The following CADM2 variants were observed in gnomAD, a reference collection of about 807,000 sequenced individuals.
The protein encoded by CADM2 is immunoglobulin superfamily member 4D.
CADM2 carries 12 observed loss-of-function variants against 49.8 expected under a neutral mutation model. The observed-to-expected ratio is 0.24, with a 90% CI of 0.15 to 0.39. The LOEUF is 0.39. Among genes scored for constraint, CADM2 ranks in the 10% least tolerant of loss-of-function variants. CADM2 has a pLI of 1.00. For synonymous variants in CADM2, 214 were observed against 175.4 expected (o/e 1.22, Z -1.74); for missense variants, 378 against 492.3 (o/e 0.77, Z 2.20).
chr3:85,013,880 A>G (rs891805542), intron 1 of CADM2, among the ~76,000 whole-genome samples: 1 of 147,288 alleles, frequency 6.8e-6, no homozygotes, highest in Admixed American at 6.9e-5. Context: ...ATTATAATTA[A>G]TTAATATTAA....
chr3:85,411,684 A>G (rs969722022), intron 1 of CADM2, among the ~76,000 whole-genome samples: 4 of 152,180 alleles, frequency 2.6e-5, no homozygotes, highest in Admixed American at 1.3e-4. Flanking sequence ...CCCAGTTTCC[A>G]TGGTTTAAAA....
At chr3:85,303,522 C>T (rs2044148361) in intron 1 of CADM2, among the ~76,000 whole-genome samples, 1 of 151,874 alleles carries the variant, frequency 6.6e-6, no homozygotes, top group Non-Finnish European at 1.5e-5. Context: ...TTTTCAGAAG[C>T]TTGTACCTAC....
intron 2 of CADM2, among the ~76,000 whole-genome samples, chr3:85,731,631 A>G (rs2067933296): frequency 6.6e-6 from 1 of 152,134 alleles, no homozygotes; most frequent in Admixed American, 6.6e-5. Flanking sequence ...CCTCTTCATA[A>G]TGGCATTCAT....
At chr3:85,381,447 T>A (rs1029507667) in intron 1 of CADM2, among the ~76,000 whole-genome samples, 6 of 147,524 alleles carry the variant, frequency 4.1e-5, no homozygotes, top group Admixed American at 1.4e-4. Flanking sequence ...ATAAAGAAAA[T>A]ATATATATAA....
intron 5 of CADM2, among the ~76,000 whole-genome samples, chr3:85,893,751 C>T (rs1418966508): frequency 1.3e-5 from 2 of 152,302 alleles, no homozygotes; most frequent in South Asian, 2.1e-4. Flanking sequence ...AAAAAATGCT[C>T]ATCATCACTG....
chr3:85,215,688 T>C (rs1398769801), intron 1 of CADM2, among the ~76,000 whole-genome samples: 2 of 152,154 alleles, frequency 1.3e-5, no homozygotes, highest in Non-Finnish European at 2.9e-5. Context: ...CAAGTTTATG[T>C]AGGACTCCAG....
chr3:85,987,544 A>G (rs2108687634), intron 8 of CADM2, among the ~76,000 whole-genome samples: 1 of 149,078 alleles, frequency 6.7e-6, no homozygotes, highest in South Asian at 2.1e-4. Context: ...CCCAGTATAA[A>G]CCATTAAAAA....
At chr3:85,659,408 T>C (rs922191675) in intron 1 of CADM2, among the ~76,000 whole-genome samples, 3 of 151,430 alleles carry the variant, frequency 2.0e-5, no homozygotes, top group Non-Finnish European at 4.4e-5. Flanking sequence ...AAAAACTTTA[T>C]ACAAGGAAAT....
intron 1 of CADM2, among the ~76,000 whole-genome samples, chr3:85,351,052 T>C (rs1237028465): frequency 6.6e-6 from 1 of 152,196 alleles, no homozygotes; most frequent in Non-Finnish European, 1.5e-5. Context: ...ATAGGCTTAC[T>C]CTACCTCTTC....
chr3:85,489,751 T>C (rs2039587378), intron 1 of CADM2, among the ~76,000 whole-genome samples: 1 of 149,270 alleles, frequency 6.7e-6, no homozygotes, highest in Non-Finnish European at 1.5e-5. Flanking sequence ...AACGTGTGTG[T>C]GTGTGTGAGA....
chr3:85,828,302 A>G (rs1559686307), intron 3 of CADM2, among the ~76,000 whole-genome samples: 1 of 151,950 alleles, frequency 6.6e-6, no homozygotes, highest in African/African-American at 2.4e-5. Context: ...GTACTTATAT[A>G]TGGCTCATAG....
chr3:85,816,183 C>A (rs190039411), intron 3 of CADM2, among the ~76,000 whole-genome samples: 2 of 151,110 alleles, frequency 1.3e-5, no homozygotes, highest in Non-Finnish European at 2.9e-5. Flanking sequence ...ATGCCCTCCC[C>A]CATAGTGAAT....
chr3:86,060,967 G>A (rs905708302), intron 8 of CADM2, among the ~76,000 whole-genome samples: 11 of 149,728 alleles, frequency 7.3e-5, no homozygotes, highest in Non-Finnish European at 1.5e-4. Flanking sequence ...GGGCTACAGA[G>A]CAAGGCTATG....
chr3:85,720,875 T>C (rs921804516), intron 1 of CADM2, among the ~76,000 whole-genome samples: 1 of 152,250 alleles, frequency 6.6e-6, no homozygotes, highest in Admixed American at 6.5e-5. Flanking sequence ...TACTATCTGA[T>C]AAATTAGATG....
intron 1 of CADM2, among the ~76,000 whole-genome samples, chr3:85,716,591 T>C (rs2067302168): frequency 6.6e-6 from 1 of 151,752 alleles, no homozygotes; most frequent in Non-Finnish European, 1.5e-5. Context: ...TGCCTGAATG[T>C]TATTGCCTAG....
At chr3:85,781,007 G>C (rs1277061564) in intron 2 of CADM2, among the ~76,000 whole-genome samples, 5 of 152,114 alleles carry the variant, frequency 3.3e-5, no homozygotes, top group Non-Finnish European at 7.4e-5. Context: ...CCAGCTGACG[G>C]CCAGCCTATC....
At chr3:85,508,111 A>G (rs1559876239) in intron 1 of CADM2, among the ~76,000 whole-genome samples, 1 of 152,174 alleles carries the variant, frequency 6.6e-6, no homozygotes, top group Non-Finnish European at 1.5e-5. Flanking sequence ...AAGTACAAAG[A>G]GGTGAAATCT....
chr3:85,841,552 C>T (rs904018937), intron 3 of CADM2, among the ~76,000 whole-genome samples: 1 of 151,970 alleles, frequency 6.6e-6, no homozygotes. Context: ...TCCTGAAGTA[C>T]TTGTTTTAAA....
chr3:85,906,369 A>T (rs1234949275), intron 5 of CADM2, among the ~76,000 whole-genome samples: 1 of 152,168 alleles, frequency 6.6e-6, no homozygotes, highest in Non-Finnish European at 1.5e-5. Context: ...GGTAAACTGA[A>T]AAAGAGACTT....
Sources: allele counts gnomAD v4.1 joint callset (sites outside exome capture counted in the v4.1 genomes callset), GRCh38; gene constraint gnomAD v4.1.1; transcripts MANE v1.5; gene names NCBI Gene and HGNC (gene_info 2026-07-23, HGNC 2026-07-21).